RASA2: variants seen among roughly 807,000 people sequenced by gnomAD.
RASA2 encodes the protein RAS p21 protein activator 2.
In RASA2, 155 loss-of-function variants were observed where a neutral mutation model predicts 118.2. The ratio of observed to expected loss-of-function variants is 1.31; its 90% confidence interval spans 1.15 to 1.50. The LOEUF (loss-of-function observed/expected upper bound fraction) is 1.50. Ranked by LOEUF, RASA2 falls within the 40% of genes most tolerant of loss-of-function variation. The pLI is 0.00. For missense variants in RASA2, 1,016 were observed against 1,009.6 expected, an observed-to-expected ratio of 1.01 and a Z score of -0.09; for synonymous variants, 353 against 349.1, an observed-to-expected ratio of 1.01 and a Z score of -0.12.
chr3:141,574,405 A>G (rs943543776), intron 14 of RASA2, among the ~76,000 whole-genome samples: 4 of 152,006 alleles, frequency 2.6e-5, no homozygotes, highest in Admixed American at 1.3e-4. Flanking sequence ...TAGCCAGGAT[A>G]GTCTCGATCT....
At chr3:141,551,852 C>T (rs543832622) in intron 5 of RASA2, among the ~76,000 whole-genome samples, 1 of 152,170 alleles carries the variant, frequency 6.6e-6, no homozygotes, top group African/African-American at 2.4e-5. Context: ...ATTGTAAATG[C>T]TTTATATGTC....
intron 1 of RASA2, among the ~76,000 whole-genome samples, chr3:141,497,871 CAAAA>C (rs759777505): frequency 8.0e-4 from 82 of 102,826 alleles, no homozygotes; most frequent in Admixed American, 3.0e-3. Context: ...GACCCTGTCT[CAAAA>C]AAAAAAAAAA....
intron 17 of RASA2, among the ~76,000 whole-genome samples, chr3:141,581,516 C>T (rs1338115028): frequency 6.6e-6 from 1 of 152,138 alleles, no homozygotes; most frequent in Non-Finnish European, 1.5e-5. Flanking sequence ...GGATATTTAG[C>T]AGCATGCCTG....
At position 141,610,477 on chromosome 3, in the gene RASA2, A is replaced by AT. The variant is rs1559799821; in HGVS notation, c.2519+411_2519+412insT. ...ATTTATATTTATATATTATATATAT[A>AT]AATATATATATATATATATTTAGTT... On this transcript the variant is annotated intron_variant, in intron 23 of 23. Transcript: ENST00000286364. 2.8e-3 allele frequency among the ~76,000 whole-genome samples: 324 copies of AT among 114,710 alleles called. 2 individuals carry two copies. The highest frequency in any genetic ancestry group is 0.012 in the African/African-American group (294 of 24,404). 75.3% of individuals were successfully genotyped at this position (114,710 alleles called of 152,430 possible). A position where few individuals can be genotyped will look rare whatever the true frequency, so the allele number is the denominator to read the frequency against.
At chr3:141,563,075 G>C (rs959700494) in intron 9 of RASA2, among the ~76,000 whole-genome samples, 1 of 152,144 alleles carries the variant, frequency 6.6e-6, no homozygotes, top group Non-Finnish European at 1.5e-5. Flanking sequence ...TAATTACACA[G>C]ACCCTATGGT....
chr3:141,547,271 A>G lies in RASA2; in HGVS notation c.528-6586A>G, dbSNP rs368817243. ...GGTATTTCAGTAGGGATTGCATTGA[A>G]TCTGTAGATTGCTTTAGGTAGTATG... On this transcript the variant is annotated intron_variant, in intron 5 of 23. Transcript: ENST00000286364. Among the ~76,000 whole-genome samples, 22 of 152,158 alleles carry G rather than the reference A, an allele frequency of 1.4e-4. 2 individuals carry two copies. Among genetic ancestry groups the G allele is most frequent in the African/African-American group, 5.3e-4 (22 of 41,524 alleles).
At chr3:141,581,257 A>G in intron 17 of RASA2, 80 bp downstream of exon 17, 1 of 1,030,148 alleles carries the variant, frequency 9.7e-7, no homozygotes, top group African/African-American at 1.7e-5. Flanking sequence ...TATTATTATT[A>G]TCAATCCCCA....
At position 141,614,580 on chromosome 3, in the gene RASA2, C is replaced by T. The variant is rs2083699806; in HGVS notation, c.*2267C>T. ...CTTCATCCTAAAAACCTAAAAACTC[C>T]AGGAAGGAAAGAAAAGGATGATATG... is the stretch of plus-strand genomic sequence containing the variant. On this transcript the variant is annotated 3_prime_UTR_variant, in exon 24 of 24. Transcript: ENST00000286364. 1 of 152,090 alleles carries T rather than the reference C, an allele frequency of 6.6e-6. No homozygotes were observed. Among genetic ancestry groups the T allele is most frequent in the African/African-American group, 2.4e-5 (1 of 41,420 alleles). The allele number at this position is 152,090 out of a possible 1,614,324, so 9.4% of individuals were successfully genotyped here.
intron 14 of RASA2, among the ~76,000 whole-genome samples, chr3:141,575,584 T>C (rs2151133267): frequency 6.6e-6 from 1 of 152,178 alleles, no homozygotes; most frequent in Admixed American, 6.5e-5. Flanking sequence ...GAAACTAAGG[T>C]TTAGAGAAGC....
At chr3:141,488,535 A>G (rs552136984) in intron 1 of RASA2, among the ~76,000 whole-genome samples, 7 of 152,220 alleles carry the variant, frequency 4.6e-5, no homozygotes, top group African/African-American at 1.7e-4. Context: ...AACTTTTCTT[A>G]TCTTTTTATT....
In RASA2 at chr3:141,498,389, C is replaced by CTATGGTCTAATGTAGCCAA. The variant is rs1330869955; in HGVS notation, c.133+11174_133+11175insATGGTCTAATGTAGCCAAT. On this transcript the variant is annotated intron_variant, in intron 1 of 23. Transcript: ENST00000286364. ...TATGTTGTCAAGAAGTTGATAATTA[C>CTATGGTCTAATGTAGCCAA]TCCTAAATTGGCTATGGTCTAATGT... Among the ~76,000 whole-genome samples, 1,087 of 152,284 alleles carry CTATGGTCTAATGTAGCCAA rather than the reference C, an allele frequency of 7.1e-3. 15 individuals are homozygous for CTATGGTCTAATGTAGCCAA. The highest frequency in any genetic ancestry group is 0.025 in the African/African-American group (1,042 of 41,534).
At chr3:141,522,589 G>A (rs2082127734) in intron 3 of RASA2, among the ~76,000 whole-genome samples, 1 of 152,138 alleles carries the variant, frequency 6.6e-6, no homozygotes, top group South Asian at 2.1e-4. Flanking sequence ...ACATTGCAAG[G>A]GGTGGCACCT....
chr3:141,577,784 T>G (rs529124333), intron 15 of RASA2, among the ~76,000 whole-genome samples: 31 of 152,186 alleles, frequency 2.0e-4, no homozygotes, highest in Non-Finnish European at 3.5e-4. Flanking sequence ...TTTATTTACC[T>G]GAGGTAATAC....
At chr3:141,597,983 A>G (rs1051450041) in intron 19 of RASA2, among the ~76,000 whole-genome samples, 2 of 152,154 alleles carry the variant, frequency 1.3e-5, no homozygotes, top group Non-Finnish European at 2.9e-5. Context: ...AATTTCTTGG[A>G]AAACAATTTA....
chr3:141,491,072 C>T (rs1455064874), intron 1 of RASA2, among the ~76,000 whole-genome samples: 1 of 152,222 alleles, frequency 6.6e-6, no homozygotes, highest in Admixed American at 6.5e-5. Flanking sequence ...AATCTGAAGA[C>T]CTATATTCTT....
chr3:141,528,077 A>C (rs1189322963), intron 3 of RASA2, among the ~76,000 whole-genome samples: 1 of 151,940 alleles, frequency 6.6e-6, no homozygotes, highest in Non-Finnish European at 1.5e-5. Context: ...TATATGTTTT[A>C]ACTTCATGTA....
At chr3:141,598,175 A>T (rs1393802474) in intron 19 of RASA2, among the ~76,000 whole-genome samples, 1 of 152,206 alleles carries the variant, frequency 6.6e-6, no homozygotes, top group East Asian at 1.9e-4. Context: ...AGAGGGAAAG[A>T]ATACTTGCCA....
intron 19 of RASA2, among the ~76,000 whole-genome samples, chr3:141,599,575 T>C (rs753406387): frequency 2.0e-4 from 30 of 152,194 alleles, no homozygotes; most frequent in Non-Finnish European, 3.8e-4. Flanking sequence ...CATAGTAAAG[T>C]GAATACCAGA....
At chr3:141,604,584 A>C (rs2083517404) in intron 19 of RASA2, among the ~76,000 whole-genome samples, 1 of 151,984 alleles carries the variant, frequency 6.6e-6, no homozygotes, top group African/African-American at 2.4e-5. Context: ...ATGATTTTGC[A>C]TCCTTGCCTA....
Sources: gnomAD v4.1 joint callset for allele counts (sites outside exome capture counted in the v4.1 genomes callset) on GRCh38, gnomAD v4.1.1 for gene constraint, MANE v1.5 for transcripts, NCBI Gene and HGNC (gene_info 2026-07-23, HGNC 2026-07-21) for gene names.